The following CABIN1 variants were observed in gnomAD, a reference collection of about 807,000 sequenced individuals.
CABIN1 encodes the protein calcineurin-binding protein cabin-1.
In CABIN1, 133 loss-of-function variants were observed where a neutral mutation model predicts 227.7. The ratio of observed to expected loss-of-function variants is 0.58; its 90% confidence interval spans 0.51 to 0.67. The LOEUF (loss-of-function observed/expected upper bound fraction) is 0.67. CABIN1 is among the 30% of genes least tolerant of loss of function. The pLI is 0.00. For synonymous variants in CABIN1, 1,086 were observed against 1,155.1 expected (o/e 0.94, Z 1.21); for missense variants, 2,408 against 2,852.5 (o/e 0.84, Z 3.55).
At chr22:24,162,051 T>C (rs1345337694) in intron 29 of CABIN1, 1 of 152,266 alleles carries the variant, frequency 6.6e-6, no homozygotes, top group Non-Finnish European at 1.5e-5. Context: ...CATGGGTCTC[T>C]TGCTGCAAAC....
At chr22:24,022,463 A>G (rs1182294772) in intron 1 of CABIN1, among the ~76,000 whole-genome samples, 1 of 152,232 alleles carries the variant, frequency 6.6e-6, no homozygotes, top group African/African-American at 2.4e-5. Flanking sequence ...TCACATTAGT[A>G]GTAGTATTCC....
intron 11 of CABIN1, 122 bp downstream of exon 11, chr22:24,059,485 G>T: frequency 8.5e-7 from 1 of 1,176,188 alleles, no homozygotes; most frequent in Non-Finnish European, 1.2e-6. Flanking sequence ...CCAAGAGTCT[G>T]CCTGGATTAG....
chr22:24,015,500 G>A (rs1460158957), intron 1 of CABIN1, among the ~76,000 whole-genome samples: 3 of 150,602 alleles, frequency 2.0e-5, no homozygotes, highest in South Asian at 2.1e-4. Context: ...GCCCACCACC[G>A]CGCCTGGCTA....
chr22:24,109,368 C>A (rs2042688096), intron 26 of CABIN1, among the ~76,000 whole-genome samples: 1 of 151,048 alleles, frequency 6.6e-6, no homozygotes, highest in Non-Finnish European at 1.5e-5. Context: ...GCCACGCCTG[C>A]CTAATTTTTT....
intron 10 of CABIN1, 184 bp downstream of exon 10, chr22:24,056,544 C>G: frequency 1.6e-6 from 1 of 623,178 alleles, no homozygotes; most frequent in East Asian, 2.8e-5. Context: ...TTTCTCGCCT[C>G]TTCCCACCTC....
chr22:24,014,112 C>T (rs1302151967), intron 1 of CABIN1, among the ~76,000 whole-genome samples: 2 of 152,202 alleles, frequency 1.3e-5, no homozygotes, highest in Non-Finnish European at 2.9e-5. Context: ...CACAAATTCT[C>T]GTTCTCCACA....
chr22:24,027,341 TG>T (rs755411762), intron 1 of CABIN1, among the ~76,000 whole-genome samples: 23 of 152,254 alleles, frequency 1.5e-4, no homozygotes, highest in Non-Finnish European at 3.1e-4. Context: ...TATTTTTTTC[TG>T]TGTAATCTCT....
intron 24 of CABIN1, 125 bp downstream of exon 24, chr22:24,091,968 G>A: frequency 1.7e-6 from 2 of 1,149,092 alleles, no homozygotes; most frequent in South Asian, 3.0e-5. Flanking sequence ...TATCTGTGTT[G>A]AGCAGCTTCA....
At chr22:24,097,041 A>T (rs184465377) in intron 25 of CABIN1, among the ~76,000 whole-genome samples, 13 of 152,330 alleles carry the variant, frequency 8.5e-5, no homozygotes, top group Non-Finnish European at 1.5e-5. Flanking sequence ...CCCTCAGGTT[A>T]TGGGGAGGTT....
intron 33 of CABIN1, among the ~76,000 whole-genome samples, chr22:24,169,672 G>T (rs1339965643): frequency 1.3e-5 from 2 of 152,212 alleles, no homozygotes; most frequent in African/African-American, 4.8e-5. Flanking sequence ...CCAGGCCCAG[G>T]TCCACCAGGG....
intron 29 of CABIN1, among the ~76,000 whole-genome samples, chr22:24,151,002 T>G (rs2045450210): frequency 6.6e-6 from 1 of 152,198 alleles, no homozygotes; most frequent in South Asian, 2.1e-4. Context: ...TGGGCAAGTT[T>G]GTTCCCTTTC....
At chr22:24,122,862 T>A (rs2043502009) in intron 28 of CABIN1, among the ~76,000 whole-genome samples, 1 of 152,206 alleles carries the variant, frequency 6.6e-6, no homozygotes, top group Non-Finnish European at 1.5e-5. Flanking sequence ...CCCTGTTGAT[T>A]GTGTGCTTTC....
At position 24,166,675 on chromosome 22, in the gene CABIN1, C is replaced by G. The variant is rs139026107; in HGVS notation, c.5044C>G (p.Pro1682Ala). ...ERPGPKVCGL[P>A]GARMTTDVSH... is the part of the protein sequence containing the mutation. ...CCCAGGGCCCAAGGTCTGTGGCCTC[C>G]CCGGAGCCAGGATGACCACCGATGT... Residue 1682 changes from proline to alanine, a missense_variant, in exon 32 of 37, where the codon CCC becomes GCC. Physicochemically the swap from Pro to Ala is conservative, Grantham distance 27 (BLOSUM62 -1). Coordinates refer to ENST00000263119, the MANE Select transcript of CABIN1 (RefSeq NM_012295.4). The G allele has an allele frequency of 4.3e-6, 7 of 1,612,644 alleles. No homozygotes were observed. Among genetic ancestry groups the G allele is most frequent in the Non-Finnish European group, 5.9e-6 (7 of 1,179,952 alleles).
chr22:24,091,500 C>A (rs1228613018), intron 23 of CABIN1, 83 bp from the exon 24 acceptor site: 11 of 1,561,288 alleles, frequency 7.0e-6, no homozygotes, highest in Middle Eastern at 1.7e-4. Context: ...GCAAATAGGT[C>A]GGCAGAGCTT....
rs763112639 is a variant in CABIN1, at chr22:24,095,954, C to T, written c.3810C>T (p.Ser1270=). The part of the protein sequence containing the change: ...ALEVYFRLHA[S]ILKLLGKPDS... The stretch of plus-strand genomic sequence containing the variant: ...AGGTGTACTTTCGGCTCCATGCTTC[C>T]ATCCTGAAGCTCCTGGGGAAGCCCG... The change falls in exon 25 of 37, where the codon TCC becomes TCT. Residue 1270 remains serine, a synonymous_variant. Coordinates refer to ENST00000263119, the MANE Select transcript of CABIN1 (RefSeq NM_012295.4). 1.4e-5 allele frequency: 22 copies of T among 1,614,006 alleles called. No homozygotes were observed. The East Asian group carries it at 4.2e-4, about 31-fold the overall frequency.
intron 1 of CABIN1, among the ~76,000 whole-genome samples, chr22:24,024,622 C>T (rs2035952325): frequency 2.0e-5 from 3 of 152,110 alleles, no homozygotes; most frequent in South Asian, 2.1e-4. Context: ...CCCTTTCTCT[C>T]TTCTCCCTCA....
Position 24,178,093 on chromosome 22 carries a change from A to G in CABIN1, c.6560A>G (p.Lys2187Arg). The change falls in exon 37 of 37, where the codon AAG becomes AGG. Residue 2187 changes from lysine to arginine, a missense_variant. Coordinates refer to ENST00000263119, the MANE Select transcript of CABIN1 (RefSeq NM_012295.4). ...GCCCAGTCTGCTGCCAACGTGAGGA[A>G]GGAGAGCCTATGCCAGCCAGCCCTG... Reference protein sequence around the residue: ...LSAQSAANVRKESLCQPALEV... With the variant: ...LSAQSAANVRRESLCQPALEV... The G allele has an allele frequency of 1.9e-6, 3 of 1,613,772 alleles. No individual in the cohort carries two copies. The highest frequency in any genetic ancestry group is 1.1e-5 in the South Asian group (1 of 91,088).
At chr22:24,142,735 T>C (rs986155141) in intron 29 of CABIN1, among the ~76,000 whole-genome samples, 1 of 152,146 alleles carries the variant, frequency 6.6e-6, no homozygotes, top group African/African-American at 2.4e-5. Flanking sequence ...CCCACACCAC[T>C]CCAGGCTGCA....
Position 24,085,250 on chromosome 22 carries a change from C to T in CABIN1, c.3263+99C>T. 11 of 1,295,936 alleles carry T rather than the reference C, an allele frequency of 8.5e-6. No homozygotes were observed. In the South Asian group the frequency reaches 1.3e-4, roughly 16 times the overall value. The allele number at this position is 1,295,936 out of a possible 1,614,324, so 80.3% of individuals were successfully genotyped here. A position where few individuals can be genotyped will look rare whatever the true frequency, so the allele number is the denominator to read the frequency against. On this transcript the variant is annotated intron_variant, in intron 22 of 36. Coordinates refer to ENST00000263119, the MANE Select transcript of CABIN1 (RefSeq NM_012295.4). ...GTGGGCCACTTTGGGGTTTCCCTGT[C>T]CATTGCAAAGAGACCAGGGAAAACG...
Sources: gnomAD v4.1 joint callset for allele counts (sites outside exome capture counted in the v4.1 genomes callset) on GRCh38, gnomAD v4.1.1 for gene constraint, MANE v1.5 for transcripts, NCBI Gene and HGNC (gene_info 2026-07-23, HGNC 2026-07-21) for gene names.